The following THSD7A variants were observed in gnomAD, a reference collection of about 807,000 sequenced individuals.
THSD7A encodes thrombospondin type-1 domain-containing protein 7A.
THSD7A carries 96 observed loss-of-function variants against 231.3 expected under a neutral mutation model. That is an observed-to-expected ratio of 0.41 (90% CI 0.35 to 0.49). The LOEUF is 0.49. Ranked by LOEUF, THSD7A falls within the 20% of genes least tolerant of loss-of-function variation. The pLI is 0.05. For synonymous variants in THSD7A, 940 were observed against 743.3 expected (o/e 1.26, Z -4.30); for missense variants, 2,290 against 2,070.2 (o/e 1.11, Z -2.06).
chr7:11,464,293 G>A (rs1031933763), intron 9 of THSD7A, among the ~76,000 whole-genome samples: 52 of 151,982 alleles, frequency 3.4e-4, no homozygotes, highest in African/African-American at 1.1e-3. Flanking sequence ...TTGTTTCCCA[G>A]TTGGTCAAAA....
chr7:11,493,641 G>T (rs1786986576), intron 6 of THSD7A, among the ~76,000 whole-genome samples: 1 of 152,038 alleles, frequency 6.6e-6, no homozygotes, highest in African/African-American at 2.4e-5. Context: ...TTTACATATA[G>T]TTATTTAATT....
At chr7:11,748,267 C>T (rs1465593881) in intron 1 of THSD7A, among the ~76,000 whole-genome samples, 1 of 151,822 alleles carries the variant, frequency 6.6e-6, no homozygotes, top group Non-Finnish European at 1.5e-5. Flanking sequence ...TGAATAGTAA[C>T]AAACAGGTTT....
intron 1 of THSD7A, among the ~76,000 whole-genome samples, chr7:11,720,919 G>A (rs1025926122): frequency 5.9e-5 from 9 of 151,592 alleles, no homozygotes; most frequent in Non-Finnish European, 1.2e-4. Flanking sequence ...CCCCTTAACT[G>A]ATGGTATTCT....
chr7:11,823,899 T>C (rs1784947971), intron 1 of THSD7A, among the ~76,000 whole-genome samples: 1 of 151,996 alleles, frequency 6.6e-6, no homozygotes, highest in Admixed American at 6.6e-5. Context: ...AAATGAATTC[T>C]GAGAACTAAC....
chr7:11,552,357 C>A (rs563148851), intron 4 of THSD7A, among the ~76,000 whole-genome samples: 1 of 152,044 alleles, frequency 6.6e-6, no homozygotes, highest in South Asian at 2.1e-4. Flanking sequence ...CTAATTTAAA[C>A]AAGTAAAAAA....
At chr7:11,551,853 A>C (rs10240511) in intron 4 of THSD7A, among the ~76,000 whole-genome samples, 1 of 151,970 alleles carries the variant, frequency 6.6e-6, no homozygotes, top group South Asian at 2.1e-4. Context: ...GTATATACCC[A>C]AAGGAAAATA....
chr7:11,586,684 G>C (rs62434527), intron 4 of THSD7A, among the ~76,000 whole-genome samples: 3,140 of 152,206 alleles, frequency 0.021, 41 homozygotes, highest in Middle Eastern at 0.031. Flanking sequence ...ACAAAATATA[G>C]TGATAAATAA....
chr7:11,542,007 G>C (rs1789172216), intron 5 of THSD7A, among the ~76,000 whole-genome samples: 1 of 152,154 alleles, frequency 6.6e-6, no homozygotes, highest in Non-Finnish European at 1.5e-5. Context: ...CAAAGAAGGA[G>C]TGAAATTTCA....
At chr7:11,435,110 G>GC (rs143949284) in intron 13 of THSD7A, among the ~76,000 whole-genome samples, 7,997 of 151,930 alleles carry the variant, frequency 0.053, 202 homozygotes, top group Admixed American at 0.066. Flanking sequence ...AGTATGAATG[G>GC]CTGTGAGGTT....
At chr7:11,390,365 C>T (rs1782932648) in intron 23 of THSD7A, among the ~76,000 whole-genome samples, 1 of 152,126 alleles carries the variant, frequency 6.6e-6, no homozygotes, top group South Asian at 2.1e-4. Context: ...TCTTCAATCT[C>T]TGATATTGTT....
chr7:11,507,090 G>C (rs11761690), intron 6 of THSD7A, among the ~76,000 whole-genome samples: 34,103 of 151,998 alleles, frequency 0.22, 3,888 homozygotes, highest in East Asian at 0.31. Context: ...GTAAATAAGT[G>C]AGCATGATAC....
chr7:11,553,487 T>G (rs536005480), intron 4 of THSD7A, among the ~76,000 whole-genome samples: 2 of 152,120 alleles, frequency 1.3e-5, no homozygotes, highest in Non-Finnish European at 2.9e-5. Context: ...TTTCAGTTTA[T>G]ACTGAGATTT....
intron 14 of THSD7A, among the ~76,000 whole-genome samples, chr7:11,427,995 T>A (rs1784373027): frequency 6.6e-6 from 1 of 152,198 alleles, no homozygotes; most frequent in Admixed American, 6.5e-5. Context: ...TTCATCTTAA[T>A]TTACTTAATT....
chr7:11,380,450 AC>A (rs951678638), intron 24 of THSD7A, among the ~76,000 whole-genome samples: 6 of 152,190 alleles, frequency 3.9e-5, no homozygotes, highest in Non-Finnish European at 7.3e-5. Flanking sequence ...TTTTAGCAAA[AC>A]AAAATTTTTT....
intron 6 of THSD7A, among the ~76,000 whole-genome samples, chr7:11,518,752 G>T (rs1028543489): frequency 2.0e-5 from 3 of 152,100 alleles, no homozygotes; most frequent in Non-Finnish European, 4.4e-5. Context: ...TATGGCTAGT[G>T]GTTTCCAGAA....
Position 11,392,439 on chromosome 7 carries a change from C to T in THSD7A, c.4411+9356G>A, listed in dbSNP as rs574312006. Among the ~76,000 whole-genome samples the T allele has an allele frequency of 1.1e-3, 164 of 152,260 alleles. 1 individual carries two copies. Among genetic ancestry groups the T allele is most frequent in the Middle Eastern group, 0.01 (3 of 294 alleles). ...CACCACCAGGGCCTTGGGTTTCAAGCACAAAACTGGGTGGCTGTTTGGGCA... is the reference window on the plus strand; with the variant it reads ...CACCACCAGGGCCTTGGGTTTCAAGTACAAAACTGGGTGGCTGTTTGGGCA... On this transcript the variant is annotated intron_variant, in intron 23 of 27. Transcript: ENST00000423059.
intron 4 of THSD7A, among the ~76,000 whole-genome samples, chr7:11,572,288 G>A (rs1790671039): frequency 6.6e-6 from 1 of 152,062 alleles, no homozygotes; most frequent in Admixed American, 6.5e-5. Context: ...GATCAACAAT[G>A]CTTTATTCTA....
intron 6 of THSD7A, among the ~76,000 whole-genome samples, chr7:11,501,598 A>G (rs915252311): frequency 6.6e-6 from 1 of 152,230 alleles, no homozygotes; most frequent in East Asian, 1.9e-4. Flanking sequence ...CAAAGATACA[A>G]CATGCCAGAA....
At chr7:11,669,270 G>A (rs1267209725) in intron 1 of THSD7A, among the ~76,000 whole-genome samples, 1 of 151,990 alleles carries the variant, frequency 6.6e-6, no homozygotes, top group Non-Finnish European at 1.5e-5. Context: ...AACAGGAAAT[G>A]TTTCTTAGTG....
Sources: gnomAD v4.1 joint callset for allele counts (sites outside exome capture counted in the v4.1 genomes callset) on GRCh38, gnomAD v4.1.1 for gene constraint, MANE v1.5 for transcripts, NCBI Gene and HGNC (gene_info 2026-07-23, HGNC 2026-07-21) for gene names.